The following CNTN4 variants were observed in gnomAD, a reference collection of about 807,000 sequenced individuals.
CNTN4 encodes contactin 4.
Under a neutral mutation model 122.5 loss-of-function variants are expected in CNTN4, and 77 were observed. The observed-to-expected ratio is 0.63, with a 90% CI of 0.52 to 0.76. The LOEUF is 0.76. Among genes scored for constraint, CNTN4 ranks in the 30% least tolerant of loss-of-function variants. The pLI, the probability that CNTN4 is intolerant of heterozygous loss-of-function variation, is 0.00. For synonymous variants in CNTN4, 512 were observed against 447.0 expected, an observed-to-expected ratio of 1.15 and a Z score of -1.83; for missense variants, 1,256 against 1,259.1, an observed-to-expected ratio of 1.00 and a Z score of 0.04.
At position 2,479,520 on chromosome 3, in the gene CNTN4, G is replaced by T. The variant is rs2075926291; in HGVS notation, c.-88-91896G>T. The stretch of plus-strand genomic sequence containing the variant: ...ATTGGGAAATTGAAACTTAAGCGGG[G>T]AAGGGAACCAGGGTATAACCTTATA... On this transcript the variant is annotated intron_variant, in intron 3 of 24. Transcript: ENST00000418658. 2.0e-5 allele frequency among the ~76,000 whole-genome samples: 3 copies of T among 152,154 alleles called. No homozygotes were observed. The South Asian group carries it at 6.2e-4, about 32-fold the overall frequency.
At chr3:2,393,257 C>T (rs2046512722) in intron 3 of CNTN4, among the ~76,000 whole-genome samples, 2 of 15,380 alleles carry the variant, frequency 1.3e-4, no homozygotes, top group Non-Finnish European at 2.5e-4. Flanking sequence ...TAGGGCACAC[C>T]CTATGACCAT....
chr3:2,825,071 A>G (rs2092958616), intron 7 of CNTN4, among the ~76,000 whole-genome samples: 1 of 152,126 alleles, frequency 6.6e-6, no homozygotes, highest in Admixed American at 6.5e-5. Context: ...GGCTTTTCCT[A>G]GGTACTCATA....
chr3:2,994,613 A>ATATATATATATATATATATATATATGTG (rs370506181), intron 14 of CNTN4, among the ~76,000 whole-genome samples: 3 of 142,220 alleles, frequency 2.1e-5, no homozygotes, highest in African/African-American at 7.8e-5. Context: ...ATATATATAT[A>ATATATATATATATATATATATATATGTG]TGTGTGTATA....
chr3:2,988,116 G>A (rs1348446384), intron 13 of CNTN4, among the ~76,000 whole-genome samples: 3 of 152,072 alleles, frequency 2.0e-5, no homozygotes, highest in Non-Finnish European at 4.4e-5. Context: ...ACTGACTGTT[G>A]AGACCATTTT....
At chr3:2,374,513 A>T (rs2045748142) in intron 3 of CNTN4, among the ~76,000 whole-genome samples, 1 of 152,234 alleles carries the variant, frequency 6.6e-6, no homozygotes, top group Non-Finnish European at 1.5e-5. Flanking sequence ...CTAGGTCCTC[A>T]GAAGTCCTCT....
chr3:2,639,373 A>G (rs910670733), intron 4 of CNTN4, among the ~76,000 whole-genome samples: 69 of 152,250 alleles, frequency 4.5e-4, no homozygotes, highest in African/African-American at 1.6e-3. Context: ...ACTCCCTCAG[A>G]TCAGTGCTTG....
intron 13 of CNTN4, among the ~76,000 whole-genome samples, chr3:2,973,238 C>A (rs1257475442): frequency 6.6e-6 from 1 of 151,976 alleles, no homozygotes; most frequent in East Asian, 1.9e-4. Flanking sequence ...GGAAGTTTCT[C>A]CTATGCAAAA....
intron 6 of CNTN4, among the ~76,000 whole-genome samples, chr3:2,778,262 G>C (rs62232876): frequency 1.2e-5 from 1 of 80,122 alleles, no homozygotes; most frequent in African/African-American, 3.5e-5. Flanking sequence ...ATAAAATAAA[G>C]AAATAACTGT....
intron 12 of CNTN4, among the ~76,000 whole-genome samples, chr3:2,912,275 A>G (rs1297369780): frequency 6.6e-6 from 1 of 152,238 alleles, no homozygotes; most frequent in Non-Finnish European, 1.5e-5. Flanking sequence ...GAAGGGAGAG[A>G]GATGATCTAC....
chr3:2,199,446 T>G (rs577772168), intron 2 of CNTN4, among the ~76,000 whole-genome samples: 1 of 152,280 alleles, frequency 6.6e-6, no homozygotes, highest in East Asian at 1.9e-4. Context: ...TATAAATATT[T>G]TTATAGATTG....
At chr3:2,484,872 G>A (rs1242439540) in intron 3 of CNTN4, among the ~76,000 whole-genome samples, 3 of 152,174 alleles carry the variant, frequency 2.0e-5, no homozygotes, top group East Asian at 1.9e-4. Context: ...TGGGCTGGCC[G>A]AGGCTGAGCC....
chr3:2,333,560 T>G (rs2043822504), intron 2 of CNTN4, among the ~76,000 whole-genome samples: 1 of 152,366 alleles, frequency 6.6e-6, no homozygotes, highest in African/African-American at 2.4e-5. Context: ...TCTTAATAAC[T>G]CTAAAGCCTG....
chr3:2,491,484 T>TA (rs2076316059), intron 3 of CNTN4, among the ~76,000 whole-genome samples: 1 of 152,182 alleles, frequency 6.6e-6, no homozygotes, highest in Admixed American at 6.5e-5. Context: ...TTATTATACT[T>TA]AAAAAATATT....
intron 4 of CNTN4, among the ~76,000 whole-genome samples, chr3:2,619,516 A>C (rs550011330): frequency 6.6e-6 from 1 of 152,328 alleles, no homozygotes; most frequent in South Asian, 2.1e-4. Context: ...GTTATCTCTT[A>C]GAGTCTTTCA....
chr3:2,708,899 A>G (rs1371883330), intron 4 of CNTN4, among the ~76,000 whole-genome samples: 1 of 152,232 alleles, frequency 6.6e-6, no homozygotes, highest in Non-Finnish European at 1.5e-5. Context: ...CCTTTGTAAA[A>G]TATTGTAATA....
chr3:2,571,538 C>T lies in CNTN4; in HGVS notation c.35C>T (p.Ser12Leu), dbSNP rs1424365357. 6.2e-7 allele frequency: 1 copy of T among 1,613,694 alleles called. No homozygotes were observed. Among genetic ancestry groups the T allele is most frequent in the Non-Finnish European group, 8.5e-7 (1 of 1,179,570 alleles). Residue 12 changes from serine (S) to leucine (L), a missense_variant, in exon 4 of 25, where the codon TCA becomes TTA. Ser to Leu is a moderately radical substitution (Grantham distance 145). Coordinates refer to ENST00000418658, the MANE Select transcript of CNTN4 (RefSeq NM_175607.3). Reference sequence around the variant, plus strand: ...CCATGGGAACTGCTGGTACTGCAATCATTCATTTTGTGCCTTGCAGGTAGA... The same window carrying T: ...CCATGGGAACTGCTGGTACTGCAATTATTCATTTTGTGCCTTGCAGGTAGA... ...RLPWELLVLQ[S>L]FILCLADDST...
chr3:2,645,491 G>T (rs1361524956), intron 4 of CNTN4, among the ~76,000 whole-genome samples: 2 of 152,094 alleles, frequency 1.3e-5, no homozygotes, highest in Non-Finnish European at 2.9e-5. Flanking sequence ...TATGTAATTA[G>T]ATTTATATAC....
chr3:2,227,027 A>G (rs2039310013), intron 2 of CNTN4, among the ~76,000 whole-genome samples: 1 of 152,094 alleles, frequency 6.6e-6, no homozygotes, highest in African/African-American at 2.4e-5. Flanking sequence ...AAGCCAGTCA[A>G]TTTTGCTGTA....
intron 3 of CNTN4, among the ~76,000 whole-genome samples, chr3:2,522,570 A>T (rs573385199): frequency 7.9e-5 from 12 of 152,276 alleles, no homozygotes; most frequent in Middle Eastern, 3.4e-3. Context: ...AATAATAAGA[A>T]ACGCACTATT....
Sources: gnomAD v4.1 joint callset for allele counts (sites outside exome capture counted in the v4.1 genomes callset) on GRCh38, gnomAD v4.1.1 for gene constraint, MANE v1.5 for transcripts, NCBI Gene and HGNC (gene_info 2026-07-23, HGNC 2026-07-21) for gene names.